Variants in ROR2 observed in about 807,000 individuals in gnomAD.
The protein encoded by ROR2 is ROR family WNT receptor 2.
A neutral mutation model predicts 74.9 loss-of-function variants in ROR2; 33 were observed. The observed-to-expected ratio is 0.44, with a 90% confidence interval of 0.33 to 0.59. The LOEUF is 0.59. Ranked by LOEUF, ROR2 falls within the 20% of genes least tolerant of loss-of-function variation. ROR2 has a pLI of 0.02. For missense variants in ROR2, 1,216 were observed against 1,313.8 expected, an observed-to-expected ratio of 0.93 and a Z score of 1.15; for synonymous variants, 586 against 558.7, an observed-to-expected ratio of 1.05 and a Z score of -0.69.
chr9:91,781,956 G>A (rs2118962510), intron 1 of ROR2, among the ~76,000 whole-genome samples: 1 of 152,330 alleles, frequency 6.6e-6, no homozygotes, highest in Non-Finnish European at 1.5e-5. Context: ...AGCCCCCAGA[G>A]CCCCCAACAA....
At chr9:91,777,868 G>GA (rs112256071) in intron 1 of ROR2, among the ~76,000 whole-genome samples, 99 of 150,576 alleles carry the variant, frequency 6.6e-4, no homozygotes, top group African/African-American at 2.1e-3. Flanking sequence ...GTAGCAAAAA[G>GA]AAAAAAAAAG....
chr9:91,843,760 CCA>C lies in ROR2; in HGVS notation c.98-67944_98-67943del, dbSNP rs1362308784. ...AAGCCCCGTGGCACCACCCCCGGCTCCAGAGTCTGCACATGCCCCGCCTGGCT... is the reference window on the plus strand; with the variant it reads ...AAGCCCCGTGGCACCACCCCCGGCTCGAGTCTGCACATGCCCCGCCTGGCT... On this transcript the variant is annotated intron_variant, in intron 1 of 8. Coordinates refer to ENST00000375708, the MANE Select transcript of ROR2 (RefSeq NM_004560.4). Among the ~76,000 whole-genome samples the C allele has an allele frequency of 3.3e-5, 5 of 152,264 alleles. No individual in the cohort carries two copies. The East Asian group carries it at 9.6e-4, about 29-fold the overall frequency.
Position 91,723,867 on chromosome 9 carries a change from G to A in ROR2, c.2627C>T (p.Thr876Met), listed in dbSNP as rs780709405. 7 of 1,613,916 alleles carry A rather than the reference G, an allele frequency of 4.3e-6. No individual in the cohort carries two copies. The highest frequency in any genetic ancestry group is 1.6e-4 in the Middle Eastern group (1 of 6,084). Reference protein sequence around the residue: ...SGSTSTGYVTTAPSNTSMADR... With the variant: ...SGSTSTGYVTMAPSNTSMADR... The stretch of plus-strand genomic sequence containing the variant: ...TGCCATGGATGTGTTGGAGGGGGCC[G>A]TGGTGACGTAGCCTGTGCTGGTGGA... The change falls in exon 9 of 9, where the codon ACG becomes ATG. Residue 876 changes from threonine to methionine, a missense_variant. Transcript: ENST00000375708.
At chr9:91,949,520 C>G (rs1832110704) in intron 1 of ROR2, among the ~76,000 whole-genome samples, 1 of 151,846 alleles carries the variant, frequency 6.6e-6, no homozygotes, top group Non-Finnish European at 1.5e-5. Context: ...CGGGGCACAT[C>G]TGCGGACTCG....
intron 1 of ROR2, among the ~76,000 whole-genome samples, chr9:91,910,744 A>AC (rs568003938): frequency 4.5e-4 from 68 of 152,076 alleles, no homozygotes; most frequent in African/African-American, 1.6e-3. Flanking sequence ...GCTCACTGCA[A>AC]CCTCCACCTT....
intron 1 of ROR2, among the ~76,000 whole-genome samples, chr9:91,873,546 C>A (rs970528388): frequency 1.3e-5 from 2 of 152,156 alleles, no homozygotes; most frequent in African/African-American, 4.8e-5. Context: ...CAAGATCGTG[C>A]CACTGCACTC....
intron 1 of ROR2, among the ~76,000 whole-genome samples, chr9:91,857,584 A>T (rs1829334077): frequency 6.6e-6 from 1 of 152,220 alleles, no homozygotes; most frequent in Non-Finnish European, 1.5e-5. Flanking sequence ...GCAGTGCCTG[A>T]CTGCGTCAGG....
At chr9:91,879,441 G>GT (rs1554687890) in intron 1 of ROR2, among the ~76,000 whole-genome samples, 186 of 151,224 alleles carry the variant, frequency 1.2e-3, no homozygotes, top group African/African-American at 3.2e-3. Flanking sequence ...GGTGTGGGGG[G>GT]GTGTGTGTGT....
intron 1 of ROR2, among the ~76,000 whole-genome samples, chr9:91,876,819 G>C (rs1286428575): frequency 6.6e-6 from 1 of 152,044 alleles, no homozygotes; most frequent in Non-Finnish European, 1.5e-5. Context: ...GTGAGGAGAA[G>C]AAAGAAGTAA....
At chr9:91,756,603 G>A (rs551946606) in intron 3 of ROR2, among the ~76,000 whole-genome samples, 1 of 152,034 alleles carries the variant, frequency 6.6e-6, no homozygotes, top group East Asian at 1.9e-4. Flanking sequence ...CCTGCAGTGT[G>A]GCCACTCTCC....
At position 91,826,288 on chromosome 9, in the gene ROR2, T is replaced by C. The variant is rs977825161; in HGVS notation, c.98-50470A>G. On this transcript the variant is annotated intron_variant, in intron 1 of 8. Transcript: ENST00000375708. ...TTCTACCAGCAATCACGCCATTTCA[T>C]TGTTATACCCAGGTATATCTCCACA... 2.6e-5 allele frequency among the ~76,000 whole-genome samples: 4 copies of C among 152,216 alleles called. No individual in the cohort carries two copies. The South Asian group carries it at 8.3e-4, about 32-fold the overall frequency.
intron 1 of ROR2, among the ~76,000 whole-genome samples, chr9:91,900,870 T>C: frequency 6.6e-6 from 1 of 152,342 alleles, no homozygotes; most frequent in Non-Finnish European, 1.5e-5. Context: ...GGAAATCCAT[T>C]ATTAATTAAA....
intron 4 of ROR2, among the ~76,000 whole-genome samples, chr9:91,743,892 CA>C (rs761946062): frequency 2.3e-4 from 35 of 152,290 alleles, no homozygotes; most frequent in Non-Finnish European, 4.4e-4. Context: ...AACATGTTCA[CA>C]AAAATATGTG....
At chr9:91,845,877 CAAAAAAAAAA>C (rs5899143) in intron 1 of ROR2, among the ~76,000 whole-genome samples, 303 of 33,872 alleles carry the variant, frequency 8.9e-3, no homozygotes, top group Middle Eastern at 0.029. Flanking sequence ...GAATCCATCT[CAAAAAAAAAA>C]AAAAAAAAAA....
chr9:91,744,931 T>C (rs989964158), intron 4 of ROR2, among the ~76,000 whole-genome samples: 1 of 152,040 alleles, frequency 6.6e-6, no homozygotes, highest in Non-Finnish European at 1.5e-5. Flanking sequence ...CTGAAGTCAG[T>C]TGGTAAAAGG....
rs1350156232 is a variant in ROR2 at position 91,723,559 on chromosome 9, G to A, written c.*103C>T. 9.9e-6 allele frequency: 15 copies of A among 1,508,480 alleles called. No individual in the cohort carries two copies. Among genetic ancestry groups the A allele is most frequent in the South Asian group, 8.9e-5 (7 of 78,940 alleles). The allele number at this position is 1,508,480 out of a possible 1,614,324, so 93.4% of individuals were successfully genotyped here. A position where few individuals can be genotyped will look rare whatever the true frequency, so the allele number is the denominator to read the frequency against. On this transcript the variant is annotated 3_prime_UTR_variant, in exon 9 of 9. Transcript: ENST00000375708. ...TCTGCAAACAAGCCCACTGGCCGGC[G>A]GGCTCTTGTGATTGCTGAGTATGGT...
At chr9:91,913,077 C>T (rs1399856825) in intron 1 of ROR2, among the ~76,000 whole-genome samples, 3 of 152,010 alleles carry the variant, frequency 2.0e-5, no homozygotes, top group East Asian at 1.9e-4. Flanking sequence ...TGCAGTGAGT[C>T]GAGATCACGC....
In ROR2 at chr9:91,724,123, G is replaced by T; in HGVS notation, c.2371C>A (p.Gln791Lys). 6.2e-7 allele frequency: 1 copy of T among 1,610,868 alleles called. No individual in the cohort carries two copies. Among genetic ancestry groups the T allele is most frequent in the South Asian group, 1.1e-5 (1 of 91,066 alleles). Residue 791 changes from glutamine to lysine, a missense_variant, in exon 9 of 9, where the codon CAG (glutamine) becomes AAG (lysine). Gln to Lys is a moderately conservative substitution (Grantham distance 53). Coordinates refer to ENST00000375708, the MANE Select transcript of ROR2 (RefSeq NM_004560.4). Reference sequence around the variant, plus strand: ...GGCTGTGGGAAGGGCGGGGCCTTCTGCTTGGGCCCCACGTAGCGGGCGTTG... The same window carrying T: ...GGCTGTGGGAAGGGCGGGGCCTTCTTCTTGGGCCCCACGTAGCGGGCGTTG... ...VSNARYVGPKQKAPPFPQPQF... is the reference protein window; with the variant it reads ...VSNARYVGPKKKAPPFPQPQF...
intron 1 of ROR2, among the ~76,000 whole-genome samples, chr9:91,912,355 T>C (rs79303750): frequency 0.013 from 1,924 of 152,310 alleles, 45 homozygotes; most frequent in African/African-American, 0.043. Flanking sequence ...AGTTAATTTA[T>C]TATGAATTCC....
Sources: gnomAD v4.1 joint callset for allele counts (sites outside exome capture counted in the v4.1 genomes callset) on GRCh38, gnomAD v4.1.1 for gene constraint, MANE v1.5 for transcripts, NCBI Gene and HGNC (gene_info 2026-07-23, HGNC 2026-07-21) for gene names.